The following ZNRF1 variants were observed in gnomAD, a reference collection of about 807,000 sequenced individuals.
The protein encoded by ZNRF1 is E3 ubiquitin-protein ligase ZNRF1.
ZNRF1 carries 3 observed loss-of-function variants against 18.4 expected under a neutral mutation model. That is an observed-to-expected ratio of 0.16 (90% confidence interval 0.07 to 0.42). ZNRF1 has a LOEUF of 0.42. ZNRF1 is among the 10% of genes least tolerant of loss of function. The pLI is 0.99. For synonymous variants in ZNRF1, 157 were observed against 144.2 expected (o/e 1.09, Z -0.64); for missense variants, 310 against 329.8 (o/e 0.94, Z 0.47).
At chr16:75,050,221 G>C (rs553666296) in intron 1 of ZNRF1, among the ~76,000 whole-genome samples, 1 of 152,104 alleles carries the variant, frequency 6.6e-6, no homozygotes, top group African/African-American at 2.4e-5. Context: ...TAATCCATCC[G>C]AGGACCTTTT....
At chr16:75,052,159 G>A (rs1005261403) in intron 1 of ZNRF1, among the ~76,000 whole-genome samples, 2 of 152,184 alleles carry the variant, frequency 1.3e-5, no homozygotes, top group Non-Finnish European at 2.9e-5. Context: ...AGCACTTTGG[G>A]AGGCCAAGGC....
At chr16:75,005,525 T>C (rs1005441768) in intron 1 of ZNRF1, among the ~76,000 whole-genome samples, 2 of 152,184 alleles carry the variant, frequency 1.3e-5, no homozygotes, top group African/African-American at 2.4e-5. Flanking sequence ...ATATGTGGTA[T>C]TCACCCCAAG....
At chr16:75,104,548 C>A (rs2036290927) in intron 2 of ZNRF1, 1 of 380,020 alleles carries the variant, frequency 2.6e-6, no homozygotes, top group Middle Eastern at 7.5e-4. Flanking sequence ...TTTGGTTAAT[C>A]ACATGTTGAG....
At chr16:75,092,310 C>T (rs575148769) in intron 1 of ZNRF1, among the ~76,000 whole-genome samples, 98 of 152,028 alleles carry the variant, frequency 6.4e-4, no homozygotes, top group African/African-American at 2.1e-3. Context: ...GTGGCAGAGG[C>T]GATAGAAAAT....
At chr16:75,079,100 C>T (rs372517569) in intron 1 of ZNRF1, among the ~76,000 whole-genome samples, 3 of 152,180 alleles carry the variant, frequency 2.0e-5, no homozygotes, top group African/African-American at 7.2e-5. Context: ...ACTTTACATG[C>T]CTTGAGTAGA....
At chr16:75,038,794 T>C (rs2035405919) in intron 1 of ZNRF1, among the ~76,000 whole-genome samples, 1 of 152,200 alleles carries the variant, frequency 6.6e-6, no homozygotes, top group Non-Finnish European at 1.5e-5. Context: ...GTGTGCAAGA[T>C]GATGAGTCCT....
chr16:75,048,752 G>A (rs2035549317), intron 1 of ZNRF1, among the ~76,000 whole-genome samples: 1 of 152,152 alleles, frequency 6.6e-6, no homozygotes, highest in African/African-American at 2.4e-5. Context: ...GTCTGTCCGT[G>A]GCTTGGTTCG....
intron 1 of ZNRF1, among the ~76,000 whole-genome samples, chr16:75,081,059 G>T (rs2036005810): frequency 6.6e-6 from 1 of 152,062 alleles, no homozygotes; most frequent in Non-Finnish European, 1.5e-5. Flanking sequence ...TGTAGTTCCA[G>T]CTACTCCGGA....
At chr16:75,098,649 G>A in intron 2 of ZNRF1, among the ~76,000 whole-genome samples, 1 of 152,192 alleles carries the variant, frequency 6.6e-6, no homozygotes, top group Non-Finnish European at 1.5e-5. Context: ...ACCGCACCTA[G>A]GCTGGAAATG....
intron 2 of ZNRF1, among the ~76,000 whole-genome samples, chr16:75,100,729 G>A (rs2036245873): frequency 6.6e-6 from 1 of 152,200 alleles, no homozygotes; most frequent in Admixed American, 6.5e-5. Context: ...AGTATGGAGG[G>A]GAAGGAATGC....
chr16:75,073,118 A>ATCTCTCTCTCTCTCTCTC (rs374451771), intron 1 of ZNRF1, among the ~76,000 whole-genome samples: 1 of 128,374 alleles, frequency 7.8e-6, no homozygotes, highest in Non-Finnish European at 1.6e-5. Flanking sequence ...GTGAGACCCC[A>ATCTCTCTCTCTCTCTCTC]TCTCTCTCTC....
chr16:75,053,774 A>G (rs1358462321), intron 1 of ZNRF1, among the ~76,000 whole-genome samples: 1 of 152,124 alleles, frequency 6.6e-6, no homozygotes, highest in Non-Finnish European at 1.5e-5. Context: ...ATGTCTTTTC[A>G]GTTTGTACTT....
Position 74,999,578 on chromosome 16 carries a change from C to T in ZNRF1, c.-94C>T, listed in dbSNP as rs1007599898. The T allele has an allele frequency of 5.8e-5, 55 of 948,160 alleles. No individual in the cohort carries two copies. Among genetic ancestry groups the T allele is most frequent in the Non-Finnish European group, 7.0e-5 (50 of 716,300 alleles). The allele number at this position is 948,160 out of a possible 1,614,324, so 58.7% of individuals were successfully genotyped here. ...CTCCGGGTCTCCTTTTTGACTCCCT[C>T]CCCCTTTATGCTCGCCCAGCCCTCC... is the stretch of plus-strand genomic sequence containing the variant. On this transcript the variant is annotated 5_prime_UTR_variant, in exon 1 of 5. Transcript: ENST00000335325.
rs554002629 is a variant in ZNRF1, at chr16:75,093,461, A to G, written c.425-111A>G. ...AGGTCCAGGGTCTGTTCTGATGGTC[A>G]TCCTCCACATTGACCCTGAGCCCAC... On this transcript the variant is annotated intron_variant, in intron 1 of 4. Coordinates refer to ENST00000335325, the MANE Select transcript of ZNRF1 (RefSeq NM_032268.5). 1.9e-5 allele frequency: 15 copies of G among 784,586 alleles called. No homozygotes were observed. In the Admixed American group the frequency reaches 1.9e-4, roughly 10 times the overall value. 48.6% of individuals were successfully genotyped at this position (784,586 alleles called of 1,614,324 possible).
At chr16:75,087,774 G>C (rs186303621) in intron 1 of ZNRF1, among the ~76,000 whole-genome samples, 2 of 152,218 alleles carry the variant, frequency 1.3e-5, no homozygotes. Context: ...GATTGCCTAC[G>C]GTGAACCAGT....
chr16:75,095,886 C>T (rs1443835644), intron 2 of ZNRF1: 4 of 833,018 alleles, frequency 4.8e-6, no homozygotes, highest in African/African-American at 1.7e-5. Context: ...GCAGCCTCAC[C>T]CAAGACTACA....
At chr16:75,013,930 A>T (rs1197248813) in intron 1 of ZNRF1, among the ~76,000 whole-genome samples, 1 of 152,060 alleles carries the variant, frequency 6.6e-6, no homozygotes, top group Non-Finnish European at 1.5e-5. Flanking sequence ...CCCAGGTTCA[A>T]GTAATTCTCC....
chr16:75,045,825 C>T (rs192819948), intron 1 of ZNRF1, among the ~76,000 whole-genome samples: 107 of 151,774 alleles, frequency 7.0e-4, no homozygotes, highest in African/African-American at 2.4e-3. Context: ...AAGTGATCCT[C>T]CCACCTCAGC....
At chr16:75,106,679 A>G in intron 4 of ZNRF1, 108 bp downstream of exon 4, 1 of 790,838 alleles carries the variant, frequency 1.3e-6, no homozygotes, top group East Asian at 2.7e-5. Flanking sequence ...AGAAGAAAGC[A>G]GGAGCAGAGG....
Sources: allele counts gnomAD v4.1 joint callset (sites outside exome capture counted in the v4.1 genomes callset), GRCh38; gene constraint gnomAD v4.1.1; transcripts MANE v1.5; gene names NCBI Gene and HGNC (gene_info 2026-07-23, HGNC 2026-07-21).